The following RADIL variants were observed in gnomAD, a reference collection of about 807,000 sequenced individuals.
RADIL encodes the protein ras-associating and dilute domain-containing protein.
RADIL carries 99 observed loss-of-function variants against 97.6 expected under a neutral mutation model. That is an observed-to-expected ratio of 1.01 (90% CI 0.86 to 1.20). RADIL has a LOEUF of 1.20. Ranked by LOEUF, RADIL falls within the 50% of genes most tolerant of loss-of-function variation. The pLI is 0.00. For synonymous variants in RADIL, 803 were observed against 691.8 expected, an observed-to-expected ratio of 1.16 and a Z score of -2.52; for missense variants, 1,765 against 1,498.9, an observed-to-expected ratio of 1.18 and a Z score of -2.93.
At chr7:4,862,655 C>A (rs1784043348) in intron 2 of RADIL, among the ~76,000 whole-genome samples, 1 of 152,156 alleles carries the variant, frequency 6.6e-6, no homozygotes, top group Non-Finnish European at 1.5e-5. Context: ...AATCCCAGCA[C>A]TATGGGAGGC....
intron 1 of RADIL, chr7:4,882,001 C>A (rs1294783024): frequency 6.6e-6 from 1 of 151,448 alleles, no homozygotes; most frequent in East Asian, 1.9e-4. Context: ...AAGGCAGAGG[C>A]AGAGTTAGCA....
Position 4,850,653 on chromosome 7 carries a change from C to T in RADIL, c.536-14048G>A, listed in dbSNP as rs556535520. On this transcript the variant is annotated intron_variant, in intron 2 of 14. Coordinates refer to ENST00000399583, the MANE Select transcript of RADIL (RefSeq NM_018059.5). ...GCTGAGAGTGGTCCACGGCTGTGAG[C>T]CAGAGAGAGACAAGGGGAGAGATGC... Among the ~76,000 whole-genome samples, 204 of 152,196 alleles carry T rather than the reference C, an allele frequency of 1.3e-3. 4 individuals carry two copies. The highest frequency in any genetic ancestry group is 3.2e-4 in the Non-Finnish European group (22 of 67,996).
chr7:4,813,224 C>T lies in RADIL; in HGVS notation c.2139+2054G>A, dbSNP rs1420906346. 6.6e-6 allele frequency among the ~76,000 whole-genome samples: 1 copy of T among 151,984 alleles called. No homozygotes were observed. Among genetic ancestry groups the T allele is most frequent in the African/African-American group, 2.4e-5 (1 of 41,354 alleles). The stretch of plus-strand genomic sequence containing the variant: ...TAATTCCTGGACTCAAATGATCCTC[C>T]TACCTCAACCTCCCAAGTAGCTGGC... On this transcript the variant is annotated intron_variant, in intron 9 of 14. Transcript: ENST00000399583. This position sits in a 1 kb window ranked among gnomAD's most constrained non-coding sequence, Gnocchi z 5.0.
In RADIL at chr7:4,880,032, G is replaced by A. The variant is rs901222626; in HGVS notation, c.-64-1829C>T. Among the ~76,000 whole-genome samples the A allele has an allele frequency of 2.0e-5, 3 of 152,154 alleles. No individual in the cohort carries two copies. The highest frequency in any genetic ancestry group is 2.9e-5 in the Non-Finnish European group (2 of 68,028). Reference sequence around the variant, plus strand: ...TTCCCAACGCGGACGTCTGCCCTGCGGGGTGGGTGGCTGGCCCTTCTCCTG... The same window carrying A: ...TTCCCAACGCGGACGTCTGCCCTGCAGGGTGGGTGGCTGGCCCTTCTCCTG... On this transcript the variant is annotated intron_variant, in intron 1 of 14. Coordinates refer to ENST00000399583, the MANE Select transcript of RADIL (RefSeq NM_018059.5). This position sits in a 1 kb window ranked among gnomAD's most constrained non-coding sequence, Gnocchi z 4.5.
rs1782698334 is a variant in RADIL, at chr7:4,817,118, C to T, written c.1728+121G>A. 1 of 804,684 alleles carries T rather than the reference C, an allele frequency of 1.2e-6. No individual in the cohort carries two copies. The highest frequency in any genetic ancestry group is 2.5e-5 in the Admixed American group (1 of 40,542). The allele number at this position is 804,684 out of a possible 1,614,324, so 49.8% of individuals were successfully genotyped here. On this transcript the variant is annotated intron_variant, in intron 7 of 14. Coordinates refer to ENST00000399583, the MANE Select transcript of RADIL (RefSeq NM_018059.5). This position sits in a 1 kb window ranked among gnomAD's most constrained non-coding sequence, Gnocchi z 8.3. ...GCCACTGCTCCCTGATGAAGTGGAG[C>T]TTGTCACGGTCCCCTCCCTCAGCCC...
Position 4,879,142 on chromosome 7 carries a change from T to G in RADIL, c.-64-939A>C, listed in dbSNP as rs1784432803. ...CGAGCCGGTGCAGGCATGGCCGGAATGCAGGCGTCCCGCCCACCACAGGCC... is the reference window on the plus strand; with the variant it reads ...CGAGCCGGTGCAGGCATGGCCGGAAGGCAGGCGTCCCGCCCACCACAGGCC... On this transcript the variant is annotated intron_variant, in intron 1 of 14. Coordinates refer to ENST00000399583, the MANE Select transcript of RADIL (RefSeq NM_018059.5). This position sits in a 1 kb window ranked among gnomAD's most constrained non-coding sequence, Gnocchi z 4.1. 6.6e-6 allele frequency among the ~76,000 whole-genome samples: 1 copy of G among 152,218 alleles called. No individual in the cohort carries two copies. The highest frequency in any genetic ancestry group is 1.5e-5 in the Non-Finnish European group (1 of 68,036).
rs758239625 is a variant in RADIL at position 4,861,720 on chromosome 7, C to A, written c.535+15885G>T. 2.6e-6 allele frequency: 4 copies of A among 1,544,844 alleles called. No individual in the cohort carries two copies. In the African/African-American group the frequency reaches 5.5e-5, roughly 21 times the overall value. On this transcript the variant is annotated intron_variant, in intron 2 of 14. Coordinates refer to ENST00000399583, the MANE Select transcript of RADIL (RefSeq NM_018059.5). ...AGGAGGCAGTCCGTCTCCTTGGGGA[C>A]CGCTAGACTGATAGGCGAGGAGACG...
At chr7:4,807,292 C>A (rs924269800) in intron 9 of RADIL, among the ~76,000 whole-genome samples, 2 of 152,006 alleles carry the variant, frequency 1.3e-5, no homozygotes, top group African/African-American at 4.8e-5. Context: ...ACACCACCGG[C>A]CCCCACCACC....
At position 4,837,268 on chromosome 7, in the gene RADIL, C is replaced by G. The variant is rs778711757; in HGVS notation, c.536-663G>C. Among the ~76,000 whole-genome samples, 11 of 152,210 alleles carry G rather than the reference C, an allele frequency of 7.2e-5. No homozygotes were observed. The highest frequency in any genetic ancestry group is 1.3e-4 in the Non-Finnish European group (9 of 68,024). On this transcript the variant is annotated intron_variant, in intron 2 of 14. Transcript: ENST00000399583. This position sits in a 1 kb window ranked among gnomAD's most constrained non-coding sequence, Gnocchi z 5.6. ...CGGCCCACAGGCCTCAAACCACAGA[C>G]GTTTTCCCACGGCAGCCTGGGCCTC...
intron 2 of RADIL, among the ~76,000 whole-genome samples, chr7:4,876,731 G>A (rs1321013718): frequency 7.2e-5 from 11 of 152,218 alleles, no homozygotes; most frequent in African/African-American, 1.7e-4. Context: ...AACGCCACCC[G>A]TGCTCTCGGC....
chr7:4,856,107 CT>C (rs112928865), intron 2 of RADIL, among the ~76,000 whole-genome samples: 24 of 146,450 alleles, frequency 1.6e-4, no homozygotes, highest in Admixed American at 2.7e-4. Context: ...CTGAATCCAG[CT>C]TTTTTTTTTT....
chr7:4,846,750 T>A (rs1288383018), intron 2 of RADIL, among the ~76,000 whole-genome samples: 1 of 151,656 alleles, frequency 6.6e-6, no homozygotes, highest in Non-Finnish European at 1.5e-5. Context: ...TTCACCATGT[T>A]GGCCAGGCTG....
intron 5 of RADIL, among the ~76,000 whole-genome samples, chr7:4,828,051 G>A (rs745663018): frequency 4.6e-5 from 7 of 152,120 alleles, no homozygotes; most frequent in Non-Finnish European, 8.8e-5. Context: ...CTGTTAGAAT[G>A]GCCATTATCA....
rs972631471 is a variant in RADIL at position 4,872,053 on chromosome 7, C to T, written c.535+5552G>A. 2.6e-5 allele frequency among the ~76,000 whole-genome samples: 4 copies of T among 152,192 alleles called. No homozygotes were observed. Among genetic ancestry groups the T allele is most frequent in the Admixed American group, 6.5e-5 (1 of 15,274 alleles). On this transcript the variant is annotated intron_variant, in intron 2 of 14. Coordinates refer to ENST00000399583, the MANE Select transcript of RADIL (RefSeq NM_018059.5). The surrounding 1 kb of genome is among the most constrained non-coding windows in gnomAD (Gnocchi z 5.8). ...CCCTGGGTTTGCCAGGCACCCAGCCCCTCCGAGAGTGGCCCAGGAGAAACA... is the reference window on the plus strand; with the variant it reads ...CCCTGGGTTTGCCAGGCACCCAGCCTCTCCGAGAGTGGCCCAGGAGAAACA...
Position 4,817,451 on chromosome 7 carries a change from C to T in RADIL, c.1616-100G>A. The T allele has an allele frequency of 2.0e-6, 2 of 1,006,810 alleles. No homozygotes were observed. Among genetic ancestry groups the T allele is most frequent in the Admixed American group, 4.5e-5 (2 of 44,258 alleles). 62.4% of individuals were successfully genotyped at this position (1,006,810 alleles called of 1,614,324 possible). On this transcript the variant is annotated intron_variant, in intron 6 of 14. Transcript: ENST00000399583. The surrounding 1 kb of genome is among the most constrained non-coding windows in gnomAD (Gnocchi z 8.3). ...GCTCTTTCCCTGGCGCGGGCACCAC[C>T]CAACGCGCCCATCTGGGGTCCAGAT...
At chr7:4,838,720 G>C (rs1783366042) in intron 2 of RADIL, among the ~76,000 whole-genome samples, 1 of 152,248 alleles carries the variant, frequency 6.6e-6, no homozygotes, top group Non-Finnish European at 1.5e-5. Context: ...CCGGAGGTGA[G>C]GCCTCTCCTC....
Position 4,879,238 on chromosome 7 carries a change from T to C in RADIL, c.-64-1035A>G, listed in dbSNP as rs554856559. Among the ~76,000 whole-genome samples the C allele has an allele frequency of 1.3e-5, 2 of 152,330 alleles. No individual in the cohort carries two copies. Among genetic ancestry groups the C allele is most frequent in the East Asian group, 1.9e-4 (1 of 5,178 alleles). The stretch of plus-strand genomic sequence containing the variant: ...AAACGGGAAAACAGCCTGGGACGCG[T>C]TGGCGTGTCATACAATCACACTTCT... On this transcript the variant is annotated intron_variant, in intron 1 of 14. Transcript: ENST00000399583. This position sits in a 1 kb window ranked among gnomAD's most constrained non-coding sequence, Gnocchi z 4.1.
intron 12 of RADIL, among the ~76,000 whole-genome samples, chr7:4,800,632 C>G (rs1583254067): frequency 6.6e-6 from 1 of 152,122 alleles, no homozygotes; most frequent in Non-Finnish European, 1.5e-5. Context: ...TCAGCAATCT[C>G]TGCTCCTCCT....
intron 2 of RADIL, among the ~76,000 whole-genome samples, chr7:4,865,132 T>A (rs1301356392): frequency 6.6e-6 from 1 of 152,254 alleles, no homozygotes; most frequent in East Asian, 1.9e-4. Context: ...CACTGCTCTC[T>A]ACCTGGTTGG....
Sources: allele counts gnomAD v4.1 joint callset (sites outside exome capture counted in the v4.1 genomes callset), GRCh38; gene constraint gnomAD v4.1.1; non-coding constraint Gnocchi (gnomAD v3.1); transcripts MANE v1.5; gene names NCBI Gene and HGNC (gene_info 2026-07-23, HGNC 2026-07-21).